Variants in MBNL1 observed in about 807,000 individuals in gnomAD.
MBNL1 encodes muscleblind like splicing regulator 1.
A neutral mutation model predicts 42.2 loss-of-function variants in MBNL1; 8 were observed. That is an observed-to-expected ratio of 0.19 (90% CI 0.11 to 0.34). The LOEUF (loss-of-function observed/expected upper bound fraction) is 0.34. Among genes scored for constraint, MBNL1 ranks in the 10% least tolerant of loss-of-function variants. The pLI is 1.00. For synonymous variants in MBNL1, 169 were observed against 173.9 expected (o/e 0.97, Z 0.22); for missense variants, 309 against 495.3 (o/e 0.62, Z 3.57).
intron 2 of MBNL1, among the ~76,000 whole-genome samples, chr3:152,325,225 A>C (rs2079041034): frequency 6.6e-6 from 1 of 151,412 alleles, no homozygotes; most frequent in Non-Finnish European, 1.5e-5. Flanking sequence ...CTCCTCTAGA[A>C]AGCTTCTCCT....
chr3:152,385,564 T>G (rs1400350157), intron 2 of MBNL1, among the ~76,000 whole-genome samples: 1 of 152,084 alleles, frequency 6.6e-6, no homozygotes, highest in Non-Finnish European at 1.5e-5. Flanking sequence ...TTTTTACATG[T>G]TGGGTAACTC....
At chr3:152,314,218 T>C (rs1577664556) in intron 2 of MBNL1, among the ~76,000 whole-genome samples, 1 of 152,154 alleles carries the variant, frequency 6.6e-6, no homozygotes, top group African/African-American at 2.4e-5. Flanking sequence ...ACTTAATTGG[T>C]CAAATATCTA....
intron 2 of MBNL1, among the ~76,000 whole-genome samples, chr3:152,304,807 A>C (rs1472440403): frequency 2.6e-5 from 4 of 152,220 alleles, no homozygotes; most frequent in African/African-American, 7.2e-5. Flanking sequence ...GAAATTCTCA[A>C]TAGCTGCAGT....
At chr3:152,293,577 A>G (rs186423870) in intron 1 of MBNL1, among the ~76,000 whole-genome samples, 11 of 152,182 alleles carry the variant, frequency 7.2e-5, no homozygotes, top group Non-Finnish European at 7.3e-5. Flanking sequence ...ATCAACTCCA[A>G]ACTTACAGGG....
intron 3 of MBNL1, among the ~76,000 whole-genome samples, chr3:152,430,350 C>G (rs1273372601): frequency 6.6e-6 from 1 of 152,128 alleles, no homozygotes; most frequent in Non-Finnish European, 1.5e-5. Context: ...CAATAACTTT[C>G]TGAAGTATAC....
intron 1 of MBNL1, among the ~76,000 whole-genome samples, chr3:152,279,881 A>G (rs16864133): frequency 0.014 from 2,109 of 152,244 alleles, 43 homozygotes; most frequent in African/African-American, 0.048. Context: ...GCTCTCTGTA[A>G]CTTTACATGT....
intron 2 of MBNL1, among the ~76,000 whole-genome samples, chr3:152,335,660 ATT>A (rs2089443656): frequency 6.6e-6 from 1 of 152,082 alleles, no homozygotes; most frequent in Non-Finnish European, 1.5e-5. Flanking sequence ...AGGATTTTAA[ATT>A]ATCTTCCCTT....
intron 1 of MBNL1, among the ~76,000 whole-genome samples, chr3:152,293,050 A>C (rs909510258): frequency 6.6e-6 from 1 of 152,204 alleles, no homozygotes; most frequent in Non-Finnish European, 1.5e-5. Flanking sequence ...TACAGGCGTG[A>C]GCCACGGTGC....
chr3:152,307,809 A>T (rs182366121), intron 2 of MBNL1, among the ~76,000 whole-genome samples: 19 of 152,208 alleles, frequency 1.2e-4, no homozygotes, highest in Admixed American at 6.5e-4. Context: ...TTAAGAATAA[A>T]AATGAATATC....
chr3:152,313,288 G>A (rs1405569299), intron 2 of MBNL1, among the ~76,000 whole-genome samples: 1 of 152,118 alleles, frequency 6.6e-6, no homozygotes, highest in Non-Finnish European at 1.5e-5. Context: ...CTCCCAAAGT[G>A]CTGGGATTAC....
At chr3:152,432,651 T>A (rs1560571852) in intron 3 of MBNL1, 66 bp from the exon 4 acceptor site, 2 of 1,365,340 alleles carry the variant, frequency 1.5e-6, no homozygotes, top group Non-Finnish European at 2.1e-6. Context: ...GACAAATGTA[T>A]AATTAAGAAT....
rs911833628 is a variant in MBNL1 at position 152,464,854 on chromosome 3, G to A, written c.*2488G>A. Reference sequence around the variant, plus strand: ...TCAAAAGAGAGAAACCTGTATAATAGTAAGATCTTATTTTGAATAAAAACG... The same window carrying A: ...TCAAAAGAGAGAAACCTGTATAATAATAAGATCTTATTTTGAATAAAAACG... On this transcript the variant is annotated 3_prime_UTR_variant, in exon 10 of 10. Transcript: ENST00000324210. 3.3e-5 allele frequency: 5 copies of A among 152,580 alleles called. No individual in the cohort carries two copies. The highest frequency in any genetic ancestry group is 7.4e-5 in the Non-Finnish European group (5 of 68,020). 9.5% of individuals were successfully genotyped at this position (152,580 alleles called of 1,614,324 possible). A position where few individuals can be genotyped will look rare whatever the true frequency, so the allele number is the denominator to read the frequency against.
chr3:152,262,436 G>A (rs1430262239), intron 2 of MBNL1, among the ~76,000 whole-genome samples: 1 of 152,130 alleles, frequency 6.6e-6, no homozygotes, highest in Non-Finnish European at 1.5e-5. Flanking sequence ...GATCCACAGA[G>A]AGAACTCACA....
At chr3:152,264,155 T>C (rs553218068), upstream of MBNL1, 1 of 152,374 alleles carries the variant, frequency 6.6e-6, no homozygotes, top group East Asian at 1.9e-4. Flanking sequence ...TATTTTTGAC[T>C]TATTTTTTGT....
At chr3:152,326,551 T>C (rs977338571) in intron 2 of MBNL1, among the ~76,000 whole-genome samples, 2 of 152,146 alleles carry the variant, frequency 1.3e-5, no homozygotes, top group African/African-American at 4.8e-5. Context: ...CTTTTAATTA[T>C]ATAATTTCTG....
At chr3:152,379,387 C>A (rs2097080117) in intron 2 of MBNL1, among the ~76,000 whole-genome samples, 1 of 152,146 alleles carries the variant, frequency 6.6e-6, no homozygotes, top group South Asian at 2.1e-4. Flanking sequence ...TACAGCTTTT[C>A]TTACAGGTTT....
chr3:152,381,749 TA>T (rs1354872977), intron 2 of MBNL1, among the ~76,000 whole-genome samples: 1 of 152,054 alleles, frequency 6.6e-6, no homozygotes, highest in Non-Finnish European at 1.5e-5. Flanking sequence ...TTTTTCTGAT[TA>T]AAAAATGTTA....
intron 2 of MBNL1, among the ~76,000 whole-genome samples, chr3:152,398,333 A>G (rs1432166215): frequency 6.6e-6 from 1 of 152,130 alleles, no homozygotes; most frequent in African/African-American, 2.4e-5. Flanking sequence ...ATATTAGTAT[A>G]GCACAGTTTT....
chr3:152,259,134 T>G (rs1032674190), intron 2 of MBNL1, among the ~76,000 whole-genome samples: 3 of 152,228 alleles, frequency 2.0e-5, no homozygotes, highest in Non-Finnish European at 4.4e-5. Flanking sequence ...CAATTAACTT[T>G]TTCTTTACTT....
Sources: gnomAD v4.1 joint callset for allele counts (sites outside exome capture counted in the v4.1 genomes callset) on GRCh38, gnomAD v4.1.1 for gene constraint, MANE v1.5 for transcripts, NCBI Gene and HGNC (gene_info 2026-07-23, HGNC 2026-07-21) for gene names.